Variants in BMP5 observed in about 807,000 individuals in gnomAD.
BMP5 encodes the protein bone morphogenetic protein 5.
BMP5 carries 23 observed loss-of-function variants against 46.6 expected under a neutral mutation model. The observed-to-expected ratio is 0.49, with a 90% CI of 0.35 to 0.70. BMP5 has a LOEUF of 0.70. BMP5 is among the 30% of genes least tolerant of loss of function. The probability of loss-of-function intolerance (pLI) is 0.00; values close to 1 mark genes in which losing one functional copy is unlikely to be tolerated. For missense variants in BMP5, 545 were observed against 565.6 expected (o/e 0.96, Z 0.37); for synonymous variants, 204 against 191.9 (o/e 1.06, Z -0.52).
chr6:55,856,155 G>A (rs760917227), intron 1 of BMP5, among the ~76,000 whole-genome samples: 2 of 152,106 alleles, frequency 1.3e-5, no homozygotes, highest in Admixed American at 6.5e-5. Context: ...AGCCCTTTGG[G>A]TCTGGTATTT....
chr6:55,853,183 A>G, intron 1 of BMP5, among the ~76,000 whole-genome samples: 1 of 135,064 alleles, frequency 7.4e-6, no homozygotes, highest in African/African-American at 2.8e-5. Context: ...AAAATAAAAT[A>G]AAATAAAATA....
chr6:55,760,643 G>A (rs1402282525), intron 4 of BMP5, 110 bp from the exon 5 acceptor site: 4 of 935,974 alleles, frequency 4.3e-6, no homozygotes, highest in Non-Finnish European at 3.3e-6. Context: ...TGAAGTTGTG[G>A]AAAAATGAGT....
chr6:55,824,332 T>C (rs1776479830), intron 1 of BMP5, among the ~76,000 whole-genome samples: 2 of 151,908 alleles, frequency 1.3e-5, no homozygotes, highest in Admixed American at 1.3e-4. Context: ...ATTCATGTAT[T>C]TGGCCCTTTT....
chr6:55,840,135 A>G (rs1776914475), intron 1 of BMP5, among the ~76,000 whole-genome samples: 1 of 152,102 alleles, frequency 6.6e-6, no homozygotes, highest in African/African-American at 2.4e-5. Context: ...TTTTGATACT[A>G]CGGTAAATAT....
intron 1 of BMP5, among the ~76,000 whole-genome samples, chr6:55,847,661 TTAAG>T (rs1392856991): frequency 6.6e-6 from 1 of 151,976 alleles, no homozygotes; most frequent in Non-Finnish European, 1.5e-5. Context: ...TACTTTTATG[TTAAG>T]TGAGTTTAGT....
chr6:55,837,504 T>C (rs1016063603), intron 1 of BMP5, among the ~76,000 whole-genome samples: 1 of 152,134 alleles, frequency 6.6e-6, no homozygotes, highest in African/African-American at 2.4e-5. Flanking sequence ...TTTTTTAAAT[T>C]TTTTTATTTT....
chr6:55,871,111 T>A (rs1197327517), intron 1 of BMP5, among the ~76,000 whole-genome samples: 1 of 151,940 alleles, frequency 6.6e-6, no homozygotes, highest in Non-Finnish European at 1.5e-5. Context: ...TTTATTTGTG[T>A]AAACAAGAGA....
intron 6 of BMP5, among the ~76,000 whole-genome samples, chr6:55,758,511 CAGG>C (rs1007055833): frequency 6.6e-6 from 1 of 151,844 alleles, no homozygotes; most frequent in Non-Finnish European, 1.5e-5. Context: ...TTAAAGATTA[CAGG>C]AGGAGGAGGA....
At chr6:55,832,504 G>A (rs1776690049) in intron 1 of BMP5, among the ~76,000 whole-genome samples, 2 of 152,286 alleles carry the variant, frequency 1.3e-5, no homozygotes, top group African/African-American at 2.4e-5. Flanking sequence ...CTAAGCACCT[G>A]TATTTAAATA....
chr6:55,767,754 A>G (rs542210631), intron 4 of BMP5, among the ~76,000 whole-genome samples: 2 of 152,142 alleles, frequency 1.3e-5, no homozygotes, highest in South Asian at 4.1e-4. Flanking sequence ...CAGGATTTTC[A>G]GTACAGCATT....
At chr6:55,765,107 T>A (rs1774888931) in intron 4 of BMP5, among the ~76,000 whole-genome samples, 1 of 151,968 alleles carries the variant, frequency 6.6e-6, no homozygotes, top group Non-Finnish European at 1.5e-5. Context: ...AAAAACAAAT[T>A]CCAGAAATCT....
chr6:55,874,434 G>A lies in BMP5; in HGVS notation c.432C>T (p.Ser144=), dbSNP rs1777852459. The A allele has an allele frequency of 6.2e-7, 1 of 1,613,214 alleles. No homozygotes were observed. Among genetic ancestry groups the A allele is most frequent in the South Asian group, 1.1e-5 (1 of 91,056 alleles). ...CATTCAGAAAGTTGGTATCATGGAG[G>A]CTGGCTAGAGGAGGACTCTGGGTGG... The part of the protein sequence containing the change: ...PLTTQSPPLA[S]LHDTNFLNDA... Residue 144 remains serine (S), a synonymous_variant, in exon 1 of 7, where the codon AGC becomes AGT. Coordinates refer to ENST00000370830, the MANE Select transcript of BMP5 (RefSeq NM_021073.4).
chr6:55,779,174 T>C (rs1775248285), intron 3 of BMP5, among the ~76,000 whole-genome samples: 1 of 152,092 alleles, frequency 6.6e-6, no homozygotes, highest in African/African-American at 2.4e-5. Context: ...TGAGTTTCCC[T>C]CTAGGATACA....
At chr6:55,868,604 ATT>A (rs1212400311) in intron 1 of BMP5, among the ~76,000 whole-genome samples, 1 of 151,914 alleles carries the variant, frequency 6.6e-6, no homozygotes, top group Admixed American at 6.6e-5. Flanking sequence ...AACATTGTAC[ATT>A]TTCATAGATT....
chr6:55,840,793 G>C (rs1776928388), intron 1 of BMP5, among the ~76,000 whole-genome samples: 1 of 152,098 alleles, frequency 6.6e-6, no homozygotes, highest in Non-Finnish European at 1.5e-5. Flanking sequence ...CTGCATTTAA[G>C]ATTTTTCTTT....
At chr6:55,797,320 T>G (rs1775739182) in intron 2 of BMP5, among the ~76,000 whole-genome samples, 1 of 152,184 alleles carries the variant, frequency 6.6e-6, no homozygotes, top group Non-Finnish European at 1.5e-5. Context: ...AAAATAAACT[T>G]GTTAAAGTTG....
chr6:55,773,709 C>T (rs1775100491), intron 4 of BMP5, among the ~76,000 whole-genome samples: 1 of 151,920 alleles, frequency 6.6e-6, no homozygotes, highest in Admixed American at 6.6e-5. Context: ...ACCTGGTTGA[C>T]CATCCATTTT....
At chr6:55,781,192 C>T (rs1370976774) in intron 3 of BMP5, among the ~76,000 whole-genome samples, 2 of 152,048 alleles carry the variant, frequency 1.3e-5, no homozygotes, top group East Asian at 1.9e-4. Flanking sequence ...GGTCTTATAG[C>T]CCTCATTTAT....
intron 3 of BMP5, among the ~76,000 whole-genome samples, chr6:55,791,918 G>A (rs1435242192): frequency 6.6e-6 from 1 of 152,124 alleles, no homozygotes; most frequent in Non-Finnish European, 1.5e-5. Flanking sequence ...GGAACGATTG[G>A]CTTACCTCCC....
Sources: gnomAD v4.1 joint callset for allele counts (sites outside exome capture counted in the v4.1 genomes callset) on GRCh38, gnomAD v4.1.1 for gene constraint, MANE v1.5 for transcripts, NCBI Gene and HGNC (gene_info 2026-07-23, HGNC 2026-07-21) for gene names.